IL22RA2: variants seen among roughly 807,000 people sequenced by gnomAD.
IL22RA2 encodes the protein interleukin-22 receptor subunit alpha-2.
In IL22RA2, 39 loss-of-function variants were observed where a neutral mutation model predicts 30.7. The observed-to-expected ratio is 1.27, with a 90% confidence interval of 0.98 to 1.66. The LOEUF (loss-of-function observed/expected upper bound fraction) is 1.66, where lower values mean the gene tolerates loss of function less well. Ranked by LOEUF, IL22RA2 falls within the 40% of genes most tolerant of loss-of-function variation. The pLI, the probability that IL22RA2 is intolerant of heterozygous loss-of-function variation, is 0.00. For synonymous variants in IL22RA2, 103 were observed against 105.0 expected, an observed-to-expected ratio of 0.98 and a Z score of 0.11; for missense variants, 315 against 312.7, an observed-to-expected ratio of 1.01 and a Z score of -0.05.
Position 137,161,796 on chromosome 6 carries a change from C to T in IL22RA2, c.-47G>A. On this transcript the variant is annotated 5_prime_UTR_variant, in exon 2 of 7. Coordinates refer to ENST00000296980, the MANE Select transcript of IL22RA2 (RefSeq NM_052962.3). ...GGCAACCAGTGTTCCTTTTAACCAG[C>T]TCAGGACCAAAGAGGAAACTGTAAA... is the stretch of plus-strand genomic sequence containing the variant. The T allele has an allele frequency of 4.0e-6, 6 of 1,494,682 alleles. No individual in the cohort carries two copies. Among genetic ancestry groups the T allele is most frequent in the Non-Finnish European group, 4.6e-6 (5 of 1,076,034 alleles). The allele number at this position is 1,494,682 out of a possible 1,614,324, so 92.6% of individuals were successfully genotyped here. A position where few individuals can be genotyped will look rare whatever the true frequency, so the allele number is the denominator to read the frequency against.
intron 5 of IL22RA2, among the ~76,000 whole-genome samples, chr6:137,154,316 A>G (rs566051314): frequency 1.3e-5 from 2 of 152,132 alleles, no homozygotes; most frequent in African/African-American, 4.8e-5. Context: ...TCTGCTGTCT[A>G]AAAATACTTT....
chr6:137,158,251 A>G, intron 3 of IL22RA2, 96 bp downstream of exon 3: 1 of 1,463,524 alleles, frequency 6.8e-7, no homozygotes, highest in Non-Finnish European at 9.4e-7. Flanking sequence ...CCCCTCTGAA[A>G]CTGAAAAAAA....
chr6:137,150,819 C>G (rs912529357), intron 5 of IL22RA2, among the ~76,000 whole-genome samples: 2 of 152,068 alleles, frequency 1.3e-5, no homozygotes, highest in Non-Finnish European at 2.9e-5. Context: ...TTCAATGTAT[C>G]CAAGAGACAA....
chr6:137,156,616 T>C, intron 4 of IL22RA2, 143 bp downstream of exon 4: 1 of 1,092,610 alleles, frequency 9.2e-7, no homozygotes, highest in South Asian at 1.7e-5. Context: ...AATTATAAAT[T>C]TGTCTTGTGC....
intron 1 of IL22RA2, among the ~76,000 whole-genome samples, chr6:137,165,828 T>C (rs1465904020): frequency 1.3e-5 from 2 of 152,140 alleles, no homozygotes; most frequent in African/African-American, 2.4e-5. Context: ...AACAGAGGAA[T>C]GGTAATAATT....
intron 5 of IL22RA2, among the ~76,000 whole-genome samples, chr6:137,152,960 C>T (rs1778320466): frequency 6.6e-6 from 1 of 152,100 alleles, no homozygotes; most frequent in Non-Finnish European, 1.5e-5. Flanking sequence ...CTCTCATCTT[C>T]CATCTCGTTG....
At chr6:137,154,178 G>A (rs1778350037) in intron 5 of IL22RA2, among the ~76,000 whole-genome samples, 1 of 152,128 alleles carries the variant, frequency 6.6e-6, no homozygotes, top group African/African-American at 2.4e-5. Context: ...TACTGAGAAA[G>A]CACTTTTGGT....
intron 4 of IL22RA2, 122 bp from the exon 5 acceptor site, chr6:137,155,241 G>A: frequency 1.5e-6 from 1 of 651,260 alleles, no homozygotes; most frequent in Non-Finnish European, 2.5e-6. Context: ...ATAGCTTATG[G>A]CTCCTCTTCA....
chr6:137,147,960 A>C, intron 5 of IL22RA2, 69 bp from the exon 6 acceptor site: 2 of 1,408,056 alleles, frequency 1.4e-6, no homozygotes, highest in Non-Finnish European at 2.0e-6. Context: ...CATTATGTAT[A>C]ATGACAAATC....
Position 137,158,373 on chromosome 6 carries a change from G to T in IL22RA2, c.171C>A (p.Ser57Arg), listed in dbSNP as rs771317080. 1.2e-6 allele frequency: 2 copies of T among 1,614,182 alleles called. No individual in the cohort carries two copies. The highest frequency in any genetic ancestry group is 1.3e-5 in the African/African-American group (1 of 75,066). The stretch of plus-strand genomic sequence containing the variant: ...TTTTGTACTGCACAAAATAGACACT[G>T]CTGTTGCCAGTAAGTGCCCTCCCAG... ...WQPGRALTGN[S>R]SVYFVQYKIM... The change falls in exon 3 of 7, where the codon AGC becomes AGA. Residue 57 changes from serine (S) to arginine (R), a missense_variant. Ser to Arg is a moderately radical substitution (Grantham distance 110). Transcript: ENST00000296980.
chr6:137,158,243 C>T (rs533218016), intron 3 of IL22RA2, 104 bp downstream of exon 3: 1 of 1,379,490 alleles, frequency 7.2e-7, no homozygotes, highest in South Asian at 1.3e-5. Flanking sequence ...CTTCTCAACC[C>T]CTCTGAAACT....
At chr6:137,159,771 G>C (rs1316430764) in intron 2 of IL22RA2, among the ~76,000 whole-genome samples, 1 of 152,084 alleles carries the variant, frequency 6.6e-6, no homozygotes, top group African/African-American at 2.4e-5. Flanking sequence ...TTCCTGGTCT[G>C]CTCTTCCCCT....
intron 3 of IL22RA2, 139 bp from the exon 4 acceptor site, chr6:137,156,993 A>C: frequency 2.5e-6 from 3 of 1,215,554 alleles, no homozygotes; most frequent in Non-Finnish European, 3.4e-6. Flanking sequence ...ACTCAACTGC[A>C]GCAATAATGG....
At chr6:137,146,680 G>A (rs528852425) in intron 6 of IL22RA2, among the ~76,000 whole-genome samples, 12 of 152,302 alleles carry the variant, frequency 7.9e-5, no homozygotes, top group African/African-American at 2.6e-4. Flanking sequence ...CCAGACAGAA[G>A]CACCGATGGT....
Position 137,145,702 on chromosome 6 carries a change from A to C in IL22RA2, c.714T>G (p.Cys238Trp), listed in dbSNP as rs150648664. 1.5e-5 allele frequency: 25 copies of C among 1,612,960 alleles called. No homozygotes were observed. The African/African-American group carries it at 3.2e-4, about 21-fold the overall frequency. Reference sequence around the variant, plus strand: ...TGGGCTGATATATTTCAGCCACTACACAGTAGCTGGAGTGTGGTGTTAGAG... The same window carrying C: ...TGGGCTGATATATTTCAGCCACTACCCAGTAGCTGGAGTGTGGTGTTAGAG... ...IEALTPHSSY[C>W]VVAEIYQPML... The change falls in exon 7 of 7, where the codon TGT (cysteine) becomes TGG (tryptophan). Residue 238 changes from cysteine to tryptophan, a missense_variant. By Grantham distance (215) the Cys-to-Trp change is radical (BLOSUM62 -2). Coordinates refer to ENST00000296980, the MANE Select transcript of IL22RA2 (RefSeq NM_052962.3).
chr6:137,162,123 G>C (rs1778532662), intron 1 of IL22RA2, among the ~76,000 whole-genome samples: 1 of 152,086 alleles, frequency 6.6e-6, no homozygotes, highest in Admixed American at 6.6e-5. Context: ...ACAACTAGTG[G>C]GGCCTTAAGG....
chr6:137,155,779 G>A (rs969017788), intron 4 of IL22RA2, among the ~76,000 whole-genome samples: 4 of 152,082 alleles, frequency 2.6e-5, no homozygotes, highest in African/African-American at 9.7e-5. Context: ...AAACATCCCT[G>A]ACGCTTTCTG....
At chr6:137,170,386 C>T (rs1383555284) in intron 1 of IL22RA2, among the ~76,000 whole-genome samples, 1 of 152,176 alleles carries the variant, frequency 6.6e-6, no homozygotes, top group East Asian at 1.9e-4. Flanking sequence ...AACAGCCTGT[C>T]TTCTCTCTGT....
intron 5 of IL22RA2, among the ~76,000 whole-genome samples, chr6:137,152,823 G>A (rs902605422): frequency 9.2e-5 from 14 of 152,126 alleles, no homozygotes; most frequent in Non-Finnish European, 1.9e-4. Flanking sequence ...GTTGCATGAT[G>A]GAGGCTATAT....
Sources: gnomAD v4.1 joint callset for allele counts (sites outside exome capture counted in the v4.1 genomes callset) on GRCh38, gnomAD v4.1.1 for gene constraint, MANE v1.5 for transcripts, NCBI Gene and HGNC (gene_info 2026-07-23, HGNC 2026-07-21) for gene names.